Variants in ECHDC1 observed in about 807,000 individuals in gnomAD.
ECHDC1 encodes ethylmalonyl-CoA decarboxylase.
Under a neutral mutation model 29.7 loss-of-function variants are expected in ECHDC1, and 29 were observed. The ratio of observed to expected loss-of-function variants is 0.98; its 90% confidence interval spans 0.73 to 1.33. The LOEUF (loss-of-function observed/expected upper bound fraction) is 1.33, where lower values mean the gene tolerates loss of function less well. Among genes scored for constraint, ECHDC1 ranks in the 40% most tolerant of loss-of-function variants. The pLI, the probability that ECHDC1 is intolerant of heterozygous loss-of-function variation, is 0.00. For missense variants in ECHDC1, 328 were observed against 350.0 expected, an observed-to-expected ratio of 0.94 and a Z score of 0.50; for synonymous variants, 126 against 123.1, an observed-to-expected ratio of 1.02 and a Z score of -0.15.
chr6:127,314,729 A>T, intron 5 of ECHDC1, 87 bp downstream of exon 5: 1 of 939,604 alleles, frequency 1.1e-6, no homozygotes, highest in Non-Finnish European at 1.6e-6. Context: ...CTATTTAAGA[A>T]TATATAAAAT....
At chr6:127,326,567 C>A (rs1783355703) in intron 3 of ECHDC1, 1 of 423,716 alleles carries the variant, frequency 2.4e-6, no homozygotes, top group South Asian at 1.9e-5. Context: ...ATTCCATCTG[C>A]AACTTTCCTG....
chr6:127,289,581 A>T lies in ECHDC1; in HGVS notation c.*288T>A. ...TTGTATAGAAGCTCTCCTTTTAAAC[A>T]CTGCTCTTTGGTTATAAGCTAAGAA... is the stretch of plus-strand genomic sequence containing the variant. On this transcript the variant is annotated 3_prime_UTR_variant, in exon 6 of 6. Transcript: ENST00000454859. 3.5e-6 allele frequency: 1 copy of T among 282,030 alleles called. No homozygotes were observed. Among genetic ancestry groups the T allele is most frequent in the Non-Finnish European group, 6.6e-6 (1 of 150,912 alleles). 17.5% of individuals were successfully genotyped at this position (282,030 alleles called of 1,614,324 possible). A position where few individuals can be genotyped will look rare whatever the true frequency, so the allele number is the denominator to read the frequency against.
In ECHDC1 at chr6:127,289,960, G is replaced by A. The variant is rs373235093; in HGVS notation, c.815C>T (p.Ala272Val). 2.5e-6 allele frequency: 4 copies of A among 1,613,588 alleles called. No homozygotes were observed. In the South Asian group the frequency reaches 3.3e-5, roughly 13 times the overall value. The change falls in exon 6 of 6, where the codon GCA (alanine) becomes GTA (valine). Residue 272 changes from alanine (A) to valine (V), a missense_variant. By Grantham distance (64) the Ala-to-Val change is moderately conservative. Coordinates refer to ENST00000454859, the MANE Select transcript of ECHDC1 (RefSeq NM_001002030.2). ...CSGRELYLEE[A>V]LQNERDLLGT... ...TAAAAGATCTCTTTCGTTCTGTAAT[G>A]CTTCCTCCAAATATAGCTCTCTGCC...
chr6:127,303,305 C>A (rs971840394), intron 5 of ECHDC1, among the ~76,000 whole-genome samples: 8 of 151,944 alleles, frequency 5.3e-5, no homozygotes, highest in Non-Finnish European at 8.8e-5. Context: ...AAAGTAATTA[C>A]CATAAAATTC....
chr6:127,338,758 T>A (rs1784655601), intron 1 of ECHDC1, among the ~76,000 whole-genome samples: 1 of 152,198 alleles, frequency 6.6e-6, no homozygotes, highest in Admixed American at 6.5e-5. Flanking sequence ...AAATGACTTT[T>A]GTTCACTGAG....
intron 1 of ECHDC1, among the ~76,000 whole-genome samples, chr6:127,332,981 CAG>C (rs954888393): frequency 2.6e-5 from 4 of 152,168 alleles, no homozygotes; most frequent in African/African-American, 7.2e-5. Context: ...TTAGTAAAGA[CAG>C]AGTTTCGCCA....
At chr6:127,342,513 C>G in intron 1 of ECHDC1, 3 of 728,810 alleles carry the variant, frequency 4.1e-6, no homozygotes, top group East Asian at 5.8e-5. Flanking sequence ...GCTCCCTCCC[C>G]TCGTAGATTT....
At chr6:127,319,749 C>A (rs1306372902) in intron 3 of ECHDC1, among the ~76,000 whole-genome samples, 1 of 152,168 alleles carries the variant, frequency 6.6e-6, no homozygotes, top group Non-Finnish European at 1.5e-5. Context: ...TTGCTGCAGA[C>A]AGTGATATTT....
At chr6:127,316,390 A>T in intron 4 of ECHDC1, 60 bp downstream of exon 4, 1 of 1,393,582 alleles carries the variant, frequency 7.2e-7, no homozygotes, top group Non-Finnish European at 1.0e-6. Flanking sequence ...AAATAATGGA[A>T]TAGCAAAAAG....
chr6:127,331,151 CTTTTT>C (rs35842645), intron 1 of ECHDC1, 121 bp from the exon 2 acceptor site: 29 of 561,716 alleles, frequency 5.2e-5, no homozygotes, highest in Non-Finnish European at 6.4e-5. Context: ...TTCCCCATTT[CTTTTT>C]TTTTTTTTTT....
intron 5 of ECHDC1, among the ~76,000 whole-genome samples, chr6:127,297,195 A>G (rs999267654): frequency 6.6e-6 from 1 of 152,226 alleles, no homozygotes; most frequent in Non-Finnish European, 1.5e-5. Flanking sequence ...GCAATAATTA[A>G]TAAATATTCA....
At chr6:127,333,717 T>A in intron 1 of ECHDC1, among the ~76,000 whole-genome samples, 1 of 125,416 alleles carries the variant, frequency 8.0e-6, no homozygotes. Context: ...ACACACACAG[T>A]TTACCAGTAT....
rs1388267863 is a variant in ECHDC1, at chr6:127,306,595, TC to T, written c.497+8220del. Among the ~76,000 whole-genome samples, 3 of 152,228 alleles carry T rather than the reference TC, an allele frequency of 2.0e-5. No homozygotes were observed. In the East Asian group the frequency reaches 5.8e-4, roughly 29 times the overall value. On this transcript the variant is annotated intron_variant, in intron 5 of 5. Transcript: ENST00000454859. Reference sequence around the variant, plus strand: ...TCCAGCCATGTAGGACGTGCCTGCTTCCCCTTCATCTTCTGCCATGAGTGTA... The same window carrying T: ...TCCAGCCATGTAGGACGTGCCTGCTTCCCTTCATCTTCTGCCATGAGTGTA...
intron 1 of ECHDC1, among the ~76,000 whole-genome samples, chr6:127,340,927 C>T (rs945418305): frequency 1.3e-5 from 2 of 151,992 alleles, no homozygotes; most frequent in African/African-American, 4.8e-5. Flanking sequence ...GATACATTAC[C>T]CCTCTCTCCA....
intron 1 of ECHDC1, among the ~76,000 whole-genome samples, chr6:127,336,961 C>A (rs1175565712): frequency 6.6e-6 from 1 of 152,120 alleles, no homozygotes; most frequent in Admixed American, 6.6e-5. Context: ...AATTGGTTAA[C>A]CACACTGAGG....
intron 5 of ECHDC1, among the ~76,000 whole-genome samples, chr6:127,312,674 A>G (rs1416524710): frequency 6.6e-6 from 1 of 152,208 alleles, no homozygotes. Flanking sequence ...CAAAACAAGA[A>G]ATAGCTCATG....
At chr6:127,312,393 CAAATGGCT>C (rs1782014843) in intron 5 of ECHDC1, among the ~76,000 whole-genome samples, 2 of 152,150 alleles carry the variant, frequency 1.3e-5, no homozygotes, top group Non-Finnish European at 2.9e-5. Context: ...TCCCACCCGT[CAAATGGCT>C]AAATCTAAAC....
chr6:127,322,370 T>C (rs1048536350), intron 3 of ECHDC1, among the ~76,000 whole-genome samples: 1 of 152,184 alleles, frequency 6.6e-6, no homozygotes, highest in Admixed American at 6.5e-5. Context: ...GCATACTCAT[T>C]GTAAAGCAGA....
In ECHDC1 at chr6:127,327,034, G is replaced by C. The variant is rs1267212263; in HGVS notation, c.331C>G (p.Leu111Val). 2 of 1,613,836 alleles carry C rather than the reference G, an allele frequency of 1.2e-6. No homozygotes were observed. The highest frequency in any genetic ancestry group is 4.5e-5 in the East Asian group (2 of 44,876). Reference protein sequence around the residue: ...AKNTFSSGSDLNAVKSLGTPE... With the variant: ...AKNTFSSGSDVNAVKSLGTPE... ...GTTCCTAGTGATTTCACAGCATTCA[G>C]ATCAGATCCTGAAGAGAAAGTATTT... Residue 111 changes from leucine to valine, a missense_variant, in exon 3 of 6, where the codon CTG (leucine) becomes GTG (valine). Leu to Val is a conservative substitution (Grantham distance 32). Coordinates refer to ENST00000454859, the MANE Select transcript of ECHDC1 (RefSeq NM_001002030.2).
Sources: allele counts gnomAD v4.1 joint callset (sites outside exome capture counted in the v4.1 genomes callset), GRCh38; gene constraint gnomAD v4.1.1; transcripts MANE v1.5; gene names NCBI Gene and HGNC (gene_info 2026-07-23, HGNC 2026-07-21).